Variants in DMXL1 observed in about 807,000 individuals in gnomAD.
DMXL1 encodes Dmx like 1.
DMXL1 carries 99 observed loss-of-function variants against 319.2 expected under a neutral mutation model. The observed-to-expected ratio is 0.31, with a 90% CI of 0.26 to 0.37. The LOEUF is 0.37. DMXL1 is among the 10% of genes least tolerant of loss of function. The pLI is 1.00. For missense variants in DMXL1, 3,745 were observed against 3,595.6 expected, an observed-to-expected ratio of 1.04 and a Z score of -1.06; for synonymous variants, 1,385 against 1,235.2, an observed-to-expected ratio of 1.12 and a Z score of -2.54.
intron 2 of DMXL1, among the ~76,000 whole-genome samples, chr5:119,101,445 A>G (rs949752202): frequency 2.6e-5 from 4 of 152,236 alleles, no homozygotes; most frequent in Non-Finnish European, 5.9e-5. Context: ...GTTATGATCC[A>G]TCAATTTAAA....
At position 119,244,552 on chromosome 5, in the gene DMXL1, A is replaced by T. The variant is rs1021573571; in HGVS notation, c.8898A>T (p.Thr2966=). 1 of 1,614,026 alleles carries T rather than the reference A, an allele frequency of 6.2e-7. No homozygotes were observed. Among genetic ancestry groups the T allele is most frequent in the African/African-American group, 1.3e-5 (1 of 74,944 alleles). ...AVDPTEEYFV[T]GSAEGNIKIW... Reference sequence around the variant, plus strand: ...ATCCAACTGAAGAGTACTTTGTTACAGGATCTGCCGAAGGCAATATAAAGG... The same window carrying T: ...ATCCAACTGAAGAGTACTTTGTTACTGGATCTGCCGAAGGCAATATAAAGG... The change falls in exon 43 of 44, where the codon ACA becomes ACT. Residue 2966 remains threonine (T), a synonymous_variant. Transcript: ENST00000539542.
chr5:119,155,652 A>G (rs929377079), intron 19 of DMXL1, among the ~76,000 whole-genome samples: 2 of 151,996 alleles, frequency 1.3e-5, no homozygotes, highest in African/African-American at 4.8e-5. Context: ...CAGCCTGGGC[A>G]ACATAGACGC....
intron 32 of DMXL1, among the ~76,000 whole-genome samples, chr5:119,202,888 T>C (rs1036932207): frequency 1.6e-5 from 2 of 124,808 alleles, no homozygotes; most frequent in East Asian, 4.1e-4. Context: ...TATATTTTTA[T>C]ATATATATAT....
At chr5:119,171,425 T>A in intron 24 of DMXL1, 145 bp downstream of exon 24, 1 of 814,660 alleles carries the variant, frequency 1.2e-6, no homozygotes. Context: ...CTTCATATTA[T>A]GAATTATAGA....
rs1051517793 is a variant in DMXL1, at chr5:119,071,469, C to T, written c.-101C>T. 4.1e-6 allele frequency: 5 copies of T among 1,230,484 alleles called. No homozygotes were observed. The highest frequency in any genetic ancestry group is 2.6e-5 in the East Asian group (1 of 38,136). 76.2% of individuals were successfully genotyped at this position (1,230,484 alleles called of 1,614,324 possible). A position where few individuals can be genotyped will look rare whatever the true frequency, so the allele number is the denominator to read the frequency against. On this transcript the variant is annotated 5_prime_UTR_variant, in exon 1 of 44. Coordinates refer to ENST00000539542, the MANE Select transcript of DMXL1 (RefSeq NM_001290321.3). ...CTGTCGCTGCTTCTGCCGTCGCCAC[C>T]GAAGAGCGGCCGCCGCCCCTGAGGG... is the stretch of plus-strand genomic sequence containing the variant.
chr5:119,161,915 C>G (rs1772356541), intron 19 of DMXL1, among the ~76,000 whole-genome samples: 1 of 152,194 alleles, frequency 6.6e-6, no homozygotes, highest in Admixed American at 6.5e-5. Context: ...GAGCTACCAC[C>G]AACGTCTGCA....
At chr5:119,216,566 T>C (rs1019443183) in intron 34 of DMXL1, among the ~76,000 whole-genome samples, 1 of 152,186 alleles carries the variant, frequency 6.6e-6, no homozygotes, top group Non-Finnish European at 1.5e-5. Context: ...AGAATTATAA[T>C]GCTAGGAAAC....
intron 1 of DMXL1, among the ~76,000 whole-genome samples, chr5:119,083,527 C>T (rs1580590174): frequency 2.6e-5 from 4 of 151,912 alleles, no homozygotes. Context: ...CTGGATCATA[C>T]GGTTGTTCAG....
chr5:119,158,293 A>G (rs553879731), intron 19 of DMXL1, among the ~76,000 whole-genome samples: 4 of 148,930 alleles, frequency 2.7e-5, no homozygotes, highest in Admixed American at 6.7e-5. Context: ...TTGTTACTGT[A>G]TGGAAATGCC....
intron 36 of DMXL1, 83 bp downstream of exon 36, chr5:119,220,676 T>G: frequency 6.6e-7 from 1 of 1,508,326 alleles, no homozygotes; most frequent in Non-Finnish European, 9.0e-7. Context: ...AAAAGATTCT[T>G]TAAAGCAATG....
Position 119,220,930 on chromosome 5 carries a change from T to C in DMXL1, c.8136-10T>C. On this transcript the variant is annotated splice_polypyrimidine_tract_variant and intron_variant, in intron 36 of 43. Coordinates refer to ENST00000539542, the MANE Select transcript of DMXL1 (RefSeq NM_001290321.3). ...GAGTTGTTTTTATTCTGGTTGACATTCCTTTATAGATCAGAAGATTTCTTG... is the reference window on the plus strand; with the variant it reads ...GAGTTGTTTTTATTCTGGTTGACATCCCTTTATAGATCAGAAGATTTCTTG... The C allele has an allele frequency of 6.2e-7, 1 of 1,611,226 alleles. No homozygotes were observed. Among genetic ancestry groups the C allele is most frequent in the Middle Eastern group, 1.7e-4 (1 of 6,040 alleles).
rs747015710 is a variant in DMXL1 at position 119,144,491 on chromosome 5, A to G, written c.2467-45A>G. On this transcript the variant is annotated intron_variant, in intron 14 of 43. Transcript: ENST00000539542. ...TTTTTCTGGCTATTTAGCATTAGGT[A>G]AATAACACATAGGTCAACTTACGTT... is the stretch of plus-strand genomic sequence containing the variant. 4 of 1,370,342 alleles carry G rather than the reference A, an allele frequency of 2.9e-6. No homozygotes were observed. The African/African-American group carries it at 4.4e-5, about 15-fold the overall frequency. The allele number at this position is 1,370,342 out of a possible 1,614,324, so 84.9% of individuals were successfully genotyped here.
chr5:119,083,441 A>G (rs193107543), intron 1 of DMXL1, among the ~76,000 whole-genome samples: 6 of 152,294 alleles, frequency 3.9e-5, no homozygotes, highest in African/African-American at 1.2e-4. Context: ...ATAGTGCTGC[A>G]AAAACATGGG....
intron 10 of DMXL1, among the ~76,000 whole-genome samples, 177 bp downstream of exon 10, chr5:119,129,600 C>T (rs1326406572): frequency 6.6e-6 from 1 of 152,082 alleles, no homozygotes; most frequent in Non-Finnish European, 1.5e-5. Flanking sequence ...AGCTTTCTTC[C>T]ACATGGTTAT....
chr5:119,186,602 ATTTTAG>A (rs1777762906), intron 28 of DMXL1, among the ~76,000 whole-genome samples: 1 of 152,172 alleles, frequency 6.6e-6, no homozygotes, highest in Non-Finnish European at 1.5e-5. Context: ...TTCCCCTTAT[ATTTTAG>A]TTTTAATCAC....
chr5:119,223,112 AG>A (rs1784927691), intron 37 of DMXL1, among the ~76,000 whole-genome samples: 1 of 140,794 alleles, frequency 7.1e-6, no homozygotes, highest in Admixed American at 7.6e-5. Context: ...TCTGCAGTGC[AG>A]TGGTGCAATA....
chr5:119,154,180 C>T (rs1347812173), intron 19 of DMXL1, among the ~76,000 whole-genome samples: 1 of 152,126 alleles, frequency 6.6e-6, no homozygotes, highest in African/African-American at 2.4e-5. Flanking sequence ...GTTTAACAAC[C>T]CTACAATGTC....
chr5:119,202,889 A>ATATT (rs1554139471), intron 32 of DMXL1, among the ~76,000 whole-genome samples: 6 of 141,438 alleles, frequency 4.2e-5, no homozygotes, highest in Admixed American at 1.5e-4. Context: ...ATATTTTTAT[A>ATATT]TATATATATA....
At chr5:119,207,011 C>T (rs1343005196) in intron 34 of DMXL1, 115 bp downstream of exon 34, 2 of 580,916 alleles carry the variant, frequency 3.4e-6, no homozygotes, top group Non-Finnish European at 5.7e-6. Context: ...AGTATTGTTC[C>T]CTCAAATTAT....
Sources: gnomAD v4.1 joint callset for allele counts (sites outside exome capture counted in the v4.1 genomes callset) on GRCh38, gnomAD v4.1.1 for gene constraint, MANE v1.5 for transcripts, NCBI Gene and HGNC (gene_info 2026-07-23, HGNC 2026-07-21) for gene names.